Variants in ATRNL1 observed in about 807,000 individuals in gnomAD.
ATRNL1 encodes attractin-like protein 1.
In ATRNL1, 95 loss-of-function variants were observed where a neutral mutation model predicts 182.7. The observed-to-expected ratio is 0.52, with a 90% CI of 0.44 to 0.62. The LOEUF is 0.62. Among genes scored for constraint, ATRNL1 ranks in the 20% least tolerant of loss-of-function variants. ATRNL1 has a pLI of 0.00. For missense variants in ATRNL1, 1,471 were observed against 1,679.5 expected, an observed-to-expected ratio of 0.88 and a Z score of 2.17; for synonymous variants, 576 against 568.3, an observed-to-expected ratio of 1.01 and a Z score of -0.19.
chr10:115,506,821 G>T (rs1203741135), intron 24 of ATRNL1, among the ~76,000 whole-genome samples: 1 of 152,032 alleles, frequency 6.6e-6, no homozygotes, highest in Non-Finnish European at 1.5e-5. Flanking sequence ...ATTTGTGAAA[G>T]GTCAGAGGCA....
intron 26 of ATRNL1, among the ~76,000 whole-genome samples, chr10:115,589,721 A>G (rs140408134): frequency 2.5e-3 from 378 of 152,274 alleles, no homozygotes; most frequent in Non-Finnish European, 4.6e-3. Context: ...TGTAACTTTG[A>G]ATTATATTGC....
chr10:115,565,248 T>C lies in ATRNL1; in HGVS notation c.3795+15712T>C, dbSNP rs1262848160. 3.9e-5 allele frequency among the ~76,000 whole-genome samples: 6 copies of C among 152,172 alleles called. No individual in the cohort carries two copies. The East Asian group carries it at 5.8e-4, about 15-fold the overall frequency. ...GAGAATTTCAGTAGGAAATTTAAGA[T>C]GCAGCAAGCTAAATTACAGTCTTAG... On this transcript the variant is annotated intron_variant, in intron 26 of 28. Coordinates refer to ENST00000355044, the MANE Select transcript of ATRNL1 (RefSeq NM_207303.4).
intron 25 of ATRNL1, among the ~76,000 whole-genome samples, chr10:115,521,365 G>C (rs7073293): frequency 0.73 from 111,160 of 151,884 alleles, 41,940 homozygotes; most frequent in African/African-American, 0.88. Flanking sequence ...ATTGGCCAGG[G>C]TGGTCTCGAT....
chr10:115,566,878 A>G (rs144854791), intron 26 of ATRNL1, among the ~76,000 whole-genome samples: 13 of 152,270 alleles, frequency 8.5e-5, no homozygotes, highest in African/African-American at 3.1e-4. Flanking sequence ...GGGCTTTCAC[A>G]TGCACCCCAG....
intron 21 of ATRNL1, among the ~76,000 whole-genome samples, chr10:115,439,236 G>A (rs1846548764): frequency 6.6e-6 from 1 of 151,766 alleles, no homozygotes; most frequent in African/African-American, 2.4e-5. Context: ...CTGTCTCAGA[G>A]GTGGCACAGG....
rs1449632465 is a variant in ATRNL1, at chr10:115,770,325, A to G, written c.3903+42970A>G. On this transcript the variant is annotated intron_variant, in intron 27 of 28. Transcript: ENST00000355044. ...GGTAATAAAAATGGCATACTAAGCA[A>G]TGAAAATAAGAGATAACTTGAGTAC... Among the ~76,000 whole-genome samples, 6 of 152,288 alleles carry G rather than the reference A, an allele frequency of 3.9e-5. No individual in the cohort carries two copies. The East Asian group carries it at 1.2e-3, about 29-fold the overall frequency.
At chr10:115,463,855 AT>A (rs1847929616) in intron 22 of ATRNL1, among the ~76,000 whole-genome samples, 1 of 151,914 alleles carries the variant, frequency 6.6e-6, no homozygotes, top group South Asian at 2.1e-4. Flanking sequence ...TAGCTTCTTG[AT>A]TAATAGTAAT....
intron 8 of ATRNL1, among the ~76,000 whole-genome samples, chr10:115,205,677 T>G (rs1848768323): frequency 6.6e-6 from 1 of 152,024 alleles, no homozygotes; most frequent in African/African-American, 2.4e-5. Context: ...AAGTAATACT[T>G]TTTAGAGTGT....
chr10:115,346,169 T>C (rs1855965445), intron 19 of ATRNL1, among the ~76,000 whole-genome samples: 1 of 152,218 alleles, frequency 6.6e-6, no homozygotes, highest in Non-Finnish European at 1.5e-5. Context: ...TAAGGACATG[T>C]GCATTGTTTT....
intron 28 of ATRNL1, among the ~76,000 whole-genome samples, chr10:115,914,025 T>C (rs1555116602): frequency 6.6e-6 from 1 of 152,098 alleles, no homozygotes; most frequent in African/African-American, 2.4e-5. Flanking sequence ...TGGGAGGTGA[T>C]TAGATCATGG....
intron 28 of ATRNL1, among the ~76,000 whole-genome samples, chr10:115,855,903 A>C (rs1951169166): frequency 6.6e-6 from 1 of 152,218 alleles, no homozygotes; most frequent in South Asian, 2.1e-4. Context: ...TATCATAGAG[A>C]TCTTCTGTTT....
chr10:115,313,293 C>T (rs1357695847), intron 17 of ATRNL1, among the ~76,000 whole-genome samples: 2 of 151,982 alleles, frequency 1.3e-5, no homozygotes, highest in Non-Finnish European at 2.9e-5. Flanking sequence ...TTTGATTCAA[C>T]TGTGCTTTTT....
intron 27 of ATRNL1, among the ~76,000 whole-genome samples, chr10:115,727,835 T>C (rs1180487299): frequency 6.6e-6 from 1 of 152,136 alleles, no homozygotes; most frequent in African/African-American, 2.4e-5. Context: ...TATTTTTATT[T>C]GTGGTTAATT....
intron 27 of ATRNL1, among the ~76,000 whole-genome samples, chr10:115,798,008 C>A (rs1442094685): frequency 6.6e-6 from 1 of 152,176 alleles, no homozygotes; most frequent in Non-Finnish European, 1.5e-5. Context: ...AGCTCTGCCT[C>A]CCGGGTTCAC....
intron 26 of ATRNL1, among the ~76,000 whole-genome samples, chr10:115,599,972 T>C (rs1219168058): frequency 2.6e-5 from 4 of 152,156 alleles, no homozygotes; most frequent in Non-Finnish European, 5.9e-5. Flanking sequence ...ATGACCCTTT[T>C]CATTCACTCC....
At chr10:115,621,980 A>C (rs1857796844) in intron 26 of ATRNL1, among the ~76,000 whole-genome samples, 2 of 152,080 alleles carry the variant, frequency 1.3e-5, no homozygotes, top group Admixed American at 1.3e-4. Context: ...CTGAGAGGAG[A>C]CTCACCAGAC....
intron 20 of ATRNL1, among the ~76,000 whole-genome samples, chr10:115,400,304 C>G (rs1412732121): frequency 6.6e-6 from 1 of 151,946 alleles, no homozygotes; most frequent in African/African-American, 2.4e-5. Flanking sequence ...TGCTGTGGTC[C>G]AAGAGACTGT....
chr10:115,158,838 T>C (rs1251631299), intron 5 of ATRNL1, among the ~76,000 whole-genome samples: 1 of 151,942 alleles, frequency 6.6e-6, no homozygotes, highest in East Asian at 1.9e-4. Context: ...CCAGCAGTTG[T>C]GTTGACAATT....
At chr10:115,893,649 T>A (rs1288848009) in intron 28 of ATRNL1, among the ~76,000 whole-genome samples, 1 of 152,178 alleles carries the variant, frequency 6.6e-6, no homozygotes, top group East Asian at 1.9e-4. Flanking sequence ...TGAATAGCCC[T>A]GGATTCAGAA....
Sources: allele counts gnomAD v4.1 joint callset (sites outside exome capture counted in the v4.1 genomes callset), GRCh38; gene constraint gnomAD v4.1.1; transcripts MANE v1.5; gene names NCBI Gene and HGNC (gene_info 2026-07-23, HGNC 2026-07-21).